The following GPR153 variants were observed in gnomAD, a reference collection of about 807,000 sequenced individuals.
The protein encoded by GPR153 is probable G protein-coupled receptor 153.
A neutral mutation model predicts 34.1 loss-of-function variants in GPR153; 27 were observed. That is an observed-to-expected ratio of 0.79 (90% CI 0.58 to 1.09). The LOEUF is 1.09. Among genes scored for constraint, GPR153 ranks in the 50% least tolerant of loss-of-function variants. GPR153 has a pLI of 0.00. For missense variants in GPR153, 848 were observed against 860.2 expected (o/e 0.99, Z 0.18); for synonymous variants, 408 against 405.4 (o/e 1.01, Z -0.08).
chr1:6,254,805 G>A lies in GPR153; in HGVS notation c.101C>T (p.Ala34Val), dbSNP rs752749943. ...ANAWGILSVGAKQKKWKPLEF... is the reference protein window; with the variant it reads ...ANAWGILSVGVKQKKWKPLEF... ...CAAGGGCTTCCACTTCTTCTGCTTG[G>A]CGCCAACGCTGAGGATGCCCCAGGC... The change falls in exon 2 of 6, where the codon GCC becomes GTC. Residue 34 changes from alanine (A) to valine (V), a missense_variant. Physicochemically the swap from Ala to Val is moderately conservative, Grantham distance 64. Coordinates refer to ENST00000377893, the MANE Select transcript of GPR153 (RefSeq NM_207370.4). 6.2e-7 allele frequency: 1 copy of A among 1,613,304 alleles called. No individual in the cohort carries two copies. Among genetic ancestry groups the A allele is most frequent in the South Asian group, 1.1e-5 (1 of 91,066 alleles).
At chr1:6,258,786 G>C in intron 1 of GPR153, among the ~76,000 whole-genome samples, 1 of 147,646 alleles carries the variant, frequency 6.8e-6, no homozygotes, top group African/African-American at 2.7e-5. Flanking sequence ...AACAAGCTCT[G>C]TCTAGCCCCG....
At chr1:6,250,380 G>C (rs1322659109) in intron 5 of GPR153, 60 bp downstream of exon 5, 1 of 1,503,352 alleles carries the variant, frequency 6.7e-7, no homozygotes, top group East Asian at 2.5e-5. Flanking sequence ...GAGAGGCCTC[G>C]GGGAGCTCAG....
At chr1:6,250,739 T>C in intron 4 of GPR153, 115 bp from the exon 5 acceptor site, 1 of 403,916 alleles carries the variant, frequency 2.5e-6, no homozygotes. Context: ...ATATACAAGG[T>C]AGGGGGCTGG....
In GPR153 at chr1:6,253,888, G is replaced by A. The variant is rs762831977; in HGVS notation, c.616C>T (p.Gln206Ter). 5 of 1,603,912 alleles carry A rather than the reference G, an allele frequency of 3.1e-6. No homozygotes were observed. The African/African-American group carries it at 6.8e-5, about 22-fold the overall frequency. Reference sequence around the variant, plus strand: ...ACGGTGAAGGCGCGGCGGTCGGCCTGGCGCCCCACCTGCACGGCCAGCGTC... The same window carrying A: ...ACGGTGAAGGCGCGGCGGTCGGCCTAGCGCCCCACCTGCACGGCCAGCGTC... ...FQTLAVQVGR[Q>*]ADRRAFTVPT... Residue 206 changes from glutamine (Q) to a stop codon, truncating the protein, a stop_gained, in exon 3 of 6, where the codon CAG (glutamine) becomes TAG (stop). Coordinates refer to ENST00000377893, the MANE Select transcript of GPR153 (RefSeq NM_207370.4). LOFTEE classifies it high-confidence loss of function.
chr1:6,259,077 A>G (rs28368905), intron 1 of GPR153, among the ~76,000 whole-genome samples: 91,963 of 151,638 alleles, frequency 0.61, 29,295 homozygotes, highest in Admixed American at 0.72. Flanking sequence ...CTTGGGCAAC[A>G]TGGGGAAAAC....
chr1:6,252,110 C>T (rs1638461122), intron 3 of GPR153, among the ~76,000 whole-genome samples: 1 of 152,208 alleles, frequency 6.6e-6, no homozygotes, highest in Non-Finnish European at 1.5e-5. Flanking sequence ...CAGGATAGCC[C>T]TCGTTGCTCT....
In GPR153 at chr1:6,251,893, T is replaced by C. The variant is rs1044684753; in HGVS notation, c.787-363A>G. 6.6e-6 allele frequency among the ~76,000 whole-genome samples: 1 copy of C among 152,192 alleles called. No individual in the cohort carries two copies. Among genetic ancestry groups the C allele is most frequent in the African/African-American group, 2.4e-5 (1 of 41,430 alleles). On this transcript the variant is annotated intron_variant, in intron 3 of 5. Transcript: ENST00000377893. The surrounding 1 kb of genome is among the most constrained non-coding windows in gnomAD (Gnocchi z 4.9). ...TCACTGCAGCCTCCATCTCCTGGGC[T>C]TAAGAGATCCTCCTGCCTCGGCCTC...
At chr1:6,250,747 TG>T in intron 4 of GPR153, 123 bp from the exon 5 acceptor site, 1 of 547,346 alleles carries the variant, frequency 1.8e-6, no homozygotes, top group Non-Finnish European at 3.3e-6. Context: ...GGTAGGGGGC[TG>T]GTTAGCTGAA....
At chr1:6,258,095 G>C (rs556335642) in intron 1 of GPR153, among the ~76,000 whole-genome samples, 1 of 152,354 alleles carries the variant, frequency 6.6e-6, no homozygotes, top group Admixed American at 6.5e-5. Context: ...GGAAGGCAGC[G>C]ATGCCCCAGC....
chr1:6,258,689 C>T (rs934868843), intron 1 of GPR153, among the ~76,000 whole-genome samples: 1 of 152,230 alleles, frequency 6.6e-6, no homozygotes, highest in Non-Finnish European at 1.5e-5. Flanking sequence ...AAAGTGGACT[C>T]AGCATGCACC....
chr1:6,252,025 T>G (rs1339804623), intron 3 of GPR153, among the ~76,000 whole-genome samples: 1 of 152,170 alleles, frequency 6.6e-6, no homozygotes, highest in Non-Finnish European at 1.5e-5. Flanking sequence ...CTGTTCAAGA[T>G]TCTACCACCC....
At position 6,260,389 on chromosome 1, in the gene GPR153, C is replaced by CG. The variant is rs1295095453; in HGVS notation, c.-110+435_-110+436insC. 7.3e-3 allele frequency among the ~76,000 whole-genome samples: 1,029 copies of CG among 141,840 alleles called. 54 individuals are homozygous for CG. Among genetic ancestry groups the CG allele is most frequent in the African/African-American group, 0.028 (963 of 34,046 alleles). 93.1% of individuals were successfully genotyped at this position (141,840 alleles called of 152,430 possible). A position where few individuals can be genotyped will look rare whatever the true frequency, so the allele number is the denominator to read the frequency against. On this transcript the variant is annotated intron_variant, in intron 1 of 5. Transcript: ENST00000377893. ...CTGGGGCTCCGATCCCCCCCCCCCC[C>CG]CGCAATCCCCGCTCCGACTCGCGTG...
chr1:6,256,781 G>A (rs1638576956), intron 1 of GPR153, among the ~76,000 whole-genome samples: 1 of 152,138 alleles, frequency 6.6e-6, no homozygotes, highest in Non-Finnish European at 1.5e-5. Flanking sequence ...GGATTACAGG[G>A]CAAGTGCTCC....
chr1:6,249,694 G>T lies in GPR153; in HGVS notation c.1474C>A (p.Arg492Ser). The part of the protein sequence containing the change: ...SPRRRPGPGP[R>S]SASASLLPDA... The stretch of plus-strand genomic sequence containing the variant: ...GGCAGCAGCGAGGCCGAGGCGGAGC[G>T]GGGGCCGGGCCCGGGGCGGCGGCGC... The change falls in exon 6 of 6, where the codon CGC (arginine) becomes AGC (serine). Residue 492 changes from arginine (R) to serine (S), a missense_variant. Transcript: ENST00000377893. The surrounding 1 kb of genome is among the most constrained non-coding windows in gnomAD (Gnocchi z 4.3). 2 of 1,044,022 alleles carry T rather than the reference G, an allele frequency of 1.9e-6. No individual in the cohort carries two copies. The highest frequency in any genetic ancestry group is 4.4e-5 in the South Asian group (1 of 22,718). 64.7% of individuals were successfully genotyped at this position (1,044,022 alleles called of 1,614,324 possible). A position where few individuals can be genotyped will look rare whatever the true frequency, so the allele number is the denominator to read the frequency against.
In GPR153 at chr1:6,249,537, G is replaced by A; in HGVS notation, c.1631C>T (p.Ala544Val). Residue 544 changes from alanine (A) to valine (V), a missense_variant, in exon 6 of 6, where the codon GCC becomes GTC. Coordinates refer to ENST00000377893, the MANE Select transcript of GPR153 (RefSeq NM_207370.4). This position sits in a 1 kb window ranked among gnomAD's most constrained non-coding sequence, Gnocchi z 4.3. Reference protein sequence around the residue: ...PGEAPTPPSSAQRSPGPRPSA... With the variant: ...PGEAPTPPSSVQRSPGPRPSA... ...GGGGCGTGGCCCTGGGCTCCGCTGG[G>A]CGCTGCTTGGGGGCGTCGGGGCCTC... The A allele has an allele frequency of 8.3e-7, 1 of 1,203,292 alleles. No homozygotes were observed. The highest frequency in any genetic ancestry group is 1.0e-6 in the Non-Finnish European group (1 of 970,458). 74.5% of individuals were successfully genotyped at this position (1,203,292 alleles called of 1,614,324 possible). A position where few individuals can be genotyped will look rare whatever the true frequency, so the allele number is the denominator to read the frequency against.
intron 1 of GPR153, among the ~76,000 whole-genome samples, chr1:6,260,374 G>C (rs1571245879): frequency 9.6e-5 from 2 of 20,922 alleles, no homozygotes; most frequent in African/African-American, 5.4e-4. Context: ...CTGGGGCTCC[G>C]ATCCCCCCCC....
At chr1:6,252,732 G>A (rs1427397886) in intron 3 of GPR153, among the ~76,000 whole-genome samples, 1 of 152,154 alleles carries the variant, frequency 6.6e-6, no homozygotes, top group African/African-American at 2.4e-5. Context: ...TCCTCTCCCT[G>A]TCTCACTGCA....
rs767440916 is a variant in GPR153 at position 6,253,839 on chromosome 1, G to A, written c.665C>T (p.Ala222Val). 1.2e-5 allele frequency: 19 copies of A among 1,601,870 alleles called. No homozygotes were observed. In the Admixed American group the frequency reaches 1.5e-4, roughly 13 times the overall value. ...GATGGAGGAGCGCCGCTTGCCCTGCGCGTCCTCCACCACGATGGTGGGCAC... is the reference window on the plus strand; with the variant it reads ...GATGGAGGAGCGCCGCTTGCCCTGCACGTCCTCCACCACGATGGTGGGCAC... ...FTVPTIVVED[A>V]QGKRRSSIDG... Residue 222 changes from alanine (A) to valine (V), a missense_variant, in exon 3 of 6, where the codon GCG becomes GTG. Coordinates refer to ENST00000377893, the MANE Select transcript of GPR153 (RefSeq NM_207370.4).
intron 1 of GPR153, 38 bp from the exon 2 acceptor site, chr1:6,255,052 C>T (rs1557614838): frequency 7.0e-6 from 4 of 568,124 alleles, no homozygotes; most frequent in Non-Finnish European, 1.2e-5. Flanking sequence ...GTGACTTCCT[C>T]TCTGGCGACA....
Sources: allele counts gnomAD v4.1 joint callset (sites outside exome capture counted in the v4.1 genomes callset), GRCh38; gene constraint gnomAD v4.1.1; non-coding constraint Gnocchi (gnomAD v3.1); transcripts MANE v1.5; gene names NCBI Gene and HGNC (gene_info 2026-07-23, HGNC 2026-07-21).